Variants in MSANTD3 observed in about 807,000 individuals in gnomAD.
MSANTD3 encodes myb/SANT-like DNA-binding domain-containing protein 3.
Under a neutral mutation model 27.7 loss-of-function variants are expected in MSANTD3, and 11 were observed. The ratio of observed to expected loss-of-function variants is 0.40; its 90% confidence interval spans 0.25 to 0.66. The LOEUF is 0.66. Ranked by LOEUF, MSANTD3 falls within the 30% of genes least tolerant of loss-of-function variation. The pLI, the probability that MSANTD3 is intolerant of heterozygous loss-of-function variation, is 0.41. For synonymous variants in MSANTD3, 131 were observed against 127.2 expected (o/e 1.03, Z -0.20); for missense variants, 250 against 336.5 (o/e 0.74, Z 2.01).
intron 2 of MSANTD3, among the ~76,000 whole-genome samples, chr9:100,447,582 A>G (rs1418927935): frequency 2.0e-5 from 3 of 152,170 alleles, no homozygotes; most frequent in Non-Finnish European, 4.4e-5. Flanking sequence ...ACATTTTAAG[A>G]TATGCAAGTG....
At chr9:100,440,907 G>A (rs1836603616) in intron 1 of MSANTD3, among the ~76,000 whole-genome samples, 1 of 138,196 alleles carries the variant, frequency 7.2e-6, no homozygotes, top group South Asian at 2.5e-4. Context: ...TTACAGGTGT[G>A]AGCCACTGTG....
At position 100,451,514 on chromosome 9, in the gene MSANTD3, A is replaced by G. The variant is rs957772771; in HGVS notation, c.*548A>G. The stretch of plus-strand genomic sequence containing the variant: ...TCTCGGTGTCATCCTCTGAGTATGG[A>G]TTTTCTGTTTTTAAACAGCCCAAAG... On this transcript the variant is annotated 3_prime_UTR_variant, in exon 3 of 3. Transcript: ENST00000395067. 6.6e-6 allele frequency: 1 copy of G among 150,872 alleles called. No individual in the cohort carries two copies. Among genetic ancestry groups the G allele is most frequent in the African/African-American group, 2.4e-5 (1 of 40,968 alleles). 9.3% of individuals were successfully genotyped at this position (150,872 alleles called of 1,614,324 possible).
Position 100,442,048 on chromosome 9 carries a change from G to T in MSANTD3, c.110G>T (p.Ser37Ile). The T allele has an allele frequency of 6.2e-7, 1 of 1,614,240 alleles. No homozygotes were observed. The highest frequency in any genetic ancestry group is 8.5e-7 in the Non-Finnish European group (1 of 1,180,052). The change falls in exon 2 of 3, where the codon AGT becomes ATT. Residue 37 changes from serine (S) to isoleucine (I), a missense_variant. Transcript: ENST00000395067. ...KYKYVLECKKSDARTIALKQR... is the reference protein window; with the variant it reads ...KYKYVLECKKIDARTIALKQR... Reference sequence around the variant, plus strand: ...AAATATGTGCTGGAATGTAAGAAAAGTGATGCGCGAACTATTGCCCTTAAG... The same window carrying T: ...AAATATGTGCTGGAATGTAAGAAAATTGATGCGCGAACTATTGCCCTTAAG...
chr9:100,440,100 T>G (rs1836572230), intron 1 of MSANTD3, among the ~76,000 whole-genome samples: 1 of 152,202 alleles, frequency 6.6e-6, no homozygotes, highest in African/African-American at 2.4e-5. Context: ...AAAACACACA[T>G]AGGTTTCATA....
At chr9:100,440,780 C>CTTTT (rs529362356) in intron 1 of MSANTD3, among the ~76,000 whole-genome samples, 6 of 85,702 alleles carry the variant, frequency 7.0e-5, no homozygotes, top group East Asian at 3.7e-4. Context: ...TTTTTCTTCC[C>CTTTT]TTTTTTTTTT....
intron 2 of MSANTD3, among the ~76,000 whole-genome samples, chr9:100,449,956 C>T (rs933328414): frequency 6.6e-6 from 1 of 152,070 alleles, no homozygotes; most frequent in Admixed American, 6.6e-5. Flanking sequence ...TGAAAACTCC[C>T]CAAATGGCAG....
chr9:100,442,407 C>T, intron 2 of MSANTD3, 51 bp downstream of exon 2: 2 of 1,528,446 alleles, frequency 1.3e-6, no homozygotes, highest in African/African-American at 1.4e-5. Flanking sequence ...ATCTGTTTGA[C>T]ATTTTAATTT....
At chr9:100,438,930 A>AT (rs1481144715) in intron 1 of MSANTD3, among the ~76,000 whole-genome samples, 1 of 152,220 alleles carries the variant, frequency 6.6e-6, no homozygotes, top group East Asian at 1.9e-4. Flanking sequence ...ATTTAGCATT[A>AT]TAGGGACACA....
At chr9:100,448,851 T>G in intron 2 of MSANTD3, 1 of 985,318 alleles carries the variant, frequency 1.0e-6, no homozygotes, top group Non-Finnish European at 1.2e-6. Flanking sequence ...TTCTTTTTTT[T>G]TAAACTTCTC....
intron 2 of MSANTD3, among the ~76,000 whole-genome samples, chr9:100,447,520 C>T (rs142354438): frequency 9.2e-5 from 14 of 152,264 alleles, no homozygotes; most frequent in South Asian, 6.2e-4. Context: ...GCAGGATACA[C>T]GCCCATATTC....
intron 2 of MSANTD3, among the ~76,000 whole-genome samples, chr9:100,443,700 A>G (rs1241062080): frequency 6.6e-6 from 1 of 152,220 alleles, no homozygotes; most frequent in Non-Finnish European, 1.5e-5. Flanking sequence ...AAAAGGTTGG[A>G]ATTTAGGGGC....
rs1836268095 is a variant in MSANTD3 at position 100,427,360 on chromosome 9, C to T, written c.-67C>T. ...GCCCTCGCGCCTCGCCGGCCCCTCC[C>T]CCGGTCGCCGCGGCTGCCGCGCCGC... On this transcript the variant is annotated 5_prime_UTR_variant, in exon 1 of 3. Transcript: ENST00000395067. The T allele has an allele frequency of 6.8e-6, 1 of 147,028 alleles. No individual in the cohort carries two copies. Among genetic ancestry groups the T allele is most frequent in the African/African-American group, 2.4e-5 (1 of 40,852 alleles). 9.1% of individuals were successfully genotyped at this position (147,028 alleles called of 1,614,324 possible).
chr9:100,447,747 G>A (rs1453409433), intron 2 of MSANTD3, among the ~76,000 whole-genome samples: 2 of 152,190 alleles, frequency 1.3e-5, no homozygotes, highest in East Asian at 1.9e-4. Flanking sequence ...CCCTCATAGG[G>A]TAAGGATTAG....
intron 1 of MSANTD3, among the ~76,000 whole-genome samples, chr9:100,438,993 A>T (rs549421140): frequency 2.0e-5 from 3 of 152,310 alleles, no homozygotes; most frequent in Middle Eastern, 6.8e-3. Flanking sequence ...CTGAGGGCCA[A>T]ACCACCTTTG....
chr9:100,439,953 A>C (rs145840773), intron 1 of MSANTD3, among the ~76,000 whole-genome samples: 12 of 152,268 alleles, frequency 7.9e-5, no homozygotes, highest in African/African-American at 2.9e-4. Context: ...GGCCCTTCCC[A>C]ACTAGGGGAA....
chr9:100,438,880 A>G (rs1282663217), intron 1 of MSANTD3, among the ~76,000 whole-genome samples: 2 of 152,222 alleles, frequency 1.3e-5, no homozygotes, highest in Non-Finnish European at 2.9e-5. Context: ...GTATCATTGT[A>G]TGGATATTAG....
chr9:100,427,689 TC>T (rs2118158103), intron 1 of MSANTD3: 1 of 152,374 alleles, frequency 6.6e-6, no homozygotes, highest in South Asian at 2.1e-4. Flanking sequence ...GGGGAGCTGC[TC>T]GGGGGGAATC....
chr9:100,447,438 C>A (rs1480577990), intron 2 of MSANTD3, among the ~76,000 whole-genome samples: 5 of 152,084 alleles, frequency 3.3e-5, no homozygotes, highest in African/African-American at 1.2e-4. Context: ...AAAGAAGAGT[C>A]ATTTTTCTGC....
At chr9:100,446,385 T>A (rs1836752498) in intron 2 of MSANTD3, among the ~76,000 whole-genome samples, 1 of 152,148 alleles carries the variant, frequency 6.6e-6, no homozygotes, top group Non-Finnish European at 1.5e-5. Context: ...ATTCTTTCAT[T>A]CTCTTCTCCT....
Sources: allele counts gnomAD v4.1 joint callset (sites outside exome capture counted in the v4.1 genomes callset), GRCh38; gene constraint gnomAD v4.1.1; transcripts MANE v1.5; gene names NCBI Gene and HGNC (gene_info 2026-07-23, HGNC 2026-07-21).